SCN1A: variants seen among roughly 807,000 people sequenced by gnomAD.
SCN1A encodes the protein sodium channel protein type 1 subunit alpha.
In SCN1A, 13 loss-of-function variants were observed where a neutral mutation model predicts 193.7. The observed-to-expected ratio is 0.07, with a 90% CI of 0.04 to 0.11. The LOEUF (loss-of-function observed/expected upper bound fraction) is 0.11, where lower values mean the gene tolerates loss of function less well. SCN1A is among the 10% of genes least tolerant of loss of function. SCN1A has a pLI of 1.00. For missense variants in SCN1A, 1,432 were observed against 2,451.1 expected (o/e 0.58, Z 8.78); for synonymous variants, 781 against 843.6 (o/e 0.93, Z 1.29).
chr2:166,055,458 A>G (rs979881018), intron 6 of SCN1A, among the ~76,000 whole-genome samples: 5 of 151,900 alleles, frequency 3.3e-5, no homozygotes, highest in African/African-American at 1.2e-4. Flanking sequence ...ATTTTTTTGT[A>G]TATAAAATTT....
intron 2 of SCN1A, among the ~76,000 whole-genome samples, chr2:166,104,649 G>T (rs534436094): frequency 4.6e-5 from 7 of 152,118 alleles, no homozygotes; most frequent in Non-Finnish European, 5.9e-5. Context: ...AGGCTGAGGT[G>T]GGGGGATTGC....
At chr2:166,053,829 A>G (rs1698852845) in intron 7 of SCN1A, among the ~76,000 whole-genome samples, 1 of 151,846 alleles carries the variant, frequency 6.6e-6, no homozygotes, top group African/African-American at 2.4e-5. Context: ...TCTACACTCT[A>G]CTTTCACTTA....
chr2:166,002,780 A>G, intron 23 of SCN1A, 27 bp from the exon 24 acceptor site: 2 of 1,591,984 alleles, frequency 1.3e-6, no homozygotes, highest in Non-Finnish European at 1.7e-6. Flanking sequence ...AAAAAAGAAA[A>G]GTCAGAATTC....
intron 19 of SCN1A, 98 bp downstream of exon 19, chr2:166,035,946 AAAAT>A (rs1696280966): frequency 2.4e-6 from 3 of 1,263,012 alleles, no homozygotes; most frequent in Admixed American, 4.1e-5. Flanking sequence ...AAAAAAAAAA[AAAAT>A]CTTAAGTCAA....
At chr2:166,104,588 C>G (rs993969323) in intron 2 of SCN1A, among the ~76,000 whole-genome samples, 1 of 151,974 alleles carries the variant, frequency 6.6e-6, no homozygotes, top group Non-Finnish European at 1.5e-5. Flanking sequence ...ACAAAAAATA[C>G]AAAAATTAAC....
chr2:166,120,855 A>T (rs1294544315), intron 2 of SCN1A, among the ~76,000 whole-genome samples: 1 of 151,644 alleles, frequency 6.6e-6, no homozygotes, highest in East Asian at 1.9e-4. Context: ...ACCTCAGGTG[A>T]TCTGCCCACC....
At position 166,043,909 on chromosome 2, in the gene SCN1A, G is replaced by C; in HGVS notation, c.1803C>G (p.Asn601Lys). 4 of 1,614,056 alleles carry C rather than the reference G, an allele frequency of 2.5e-6. No homozygotes were observed. Among genetic ancestry groups the C allele is most frequent in the Non-Finnish European group, 3.4e-6 (4 of 1,180,016 alleles). The change falls in exon 14 of 29, where the codon AAC becomes AAG. Residue 601 changes from asparagine to lysine, a missense_variant. Asn to Lys is a moderately conservative substitution (Grantham distance 94). Transcript: ENST00000674923. ...CAAACAAGGAATCTCTACGGCTCTC[G>C]TTATCCTCAAAGGTGCTGTGCTCAT... Reference protein sequence around the residue: ...ADDEHSTFEDNESRRDSLFVP... With the variant: ...ADDEHSTFEDKESRRDSLFVP...
chr2:166,087,695 T>A (rs1387885339), intron 2 of SCN1A, among the ~76,000 whole-genome samples: 1 of 152,204 alleles, frequency 6.6e-6, no homozygotes, highest in Non-Finnish European at 1.5e-5. Context: ...GATATTCTTT[T>A]ATAGCAATAC....
chr2:166,118,010 A>T (rs1269068443), intron 2 of SCN1A, among the ~76,000 whole-genome samples: 1 of 151,848 alleles, frequency 6.6e-6, no homozygotes, highest in East Asian at 1.9e-4. Context: ...TTCTATATGC[A>T]TTAAAGACTA....
chr2:165,990,937 C>A lies in SCN1A; in HGVS notation c.*308G>T. 2 of 317,452 alleles carry A rather than the reference C, an allele frequency of 6.3e-6. No individual in the cohort carries two copies. Among genetic ancestry groups the A allele is most frequent in the Non-Finnish European group, 1.2e-5 (2 of 171,802 alleles). 19.7% of individuals were successfully genotyped at this position (317,452 alleles called of 1,614,324 possible). ...CTAAAGTGTTTCATGTTAAACAACCCCAAAATCACAGGTTTGCACCCCTTG... is the reference window on the plus strand; with the variant it reads ...CTAAAGTGTTTCATGTTAAACAACCACAAAATCACAGGTTTGCACCCCTTG... On this transcript the variant is annotated 3_prime_UTR_variant, in exon 29 of 29. Transcript: ENST00000674923.
chr2:166,097,839 C>T (rs1687566201), intron 2 of SCN1A, among the ~76,000 whole-genome samples: 1 of 152,130 alleles, frequency 6.6e-6, no homozygotes, highest in African/African-American at 2.4e-5. Flanking sequence ...CCTTGGTCTC[C>T]CAAATTTCTG....
At chr2:165,999,035 A>T (rs2105482082) in intron 25 of SCN1A, 1 of 151,680 alleles carries the variant, frequency 6.6e-6, no homozygotes, top group East Asian at 1.9e-4. Context: ...GGTTGATAGA[A>T]AATACTACAT....
chr2:166,136,105 T>C (rs1691844976), intron 1 of SCN1A, among the ~76,000 whole-genome samples: 1 of 152,234 alleles, frequency 6.6e-6, no homozygotes, highest in Non-Finnish European at 1.5e-5. Context: ...AAAGTCCTTG[T>C]TTCCATGTTG....
Position 165,996,166 on chromosome 2 carries a change from T to C in SCN1A, c.4477-49A>G, listed in dbSNP as rs767882507. 3 of 1,162,620 alleles carry C rather than the reference T, an allele frequency of 2.6e-6. No homozygotes were observed. In the South Asian group the frequency reaches 3.8e-5, roughly 15 times the overall value. The allele number at this position is 1,162,620 out of a possible 1,614,324, so 72.0% of individuals were successfully genotyped here. On this transcript the variant is annotated intron_variant, in intron 26 of 28. Coordinates refer to ENST00000674923, the MANE Select transcript of SCN1A (RefSeq NM_001165963.4). ...GGTTAAAACTGTGTCCTTTTGTACATTTTTTTCAATGTTAAAATAGAAAAT... is the reference window on the plus strand; with the variant it reads ...GGTTAAAACTGTGTCCTTTTGTACACTTTTTTCAATGTTAAAATAGAAAAT...
chr2:166,058,679 C>T lies in SCN1A; in HGVS notation c.274G>A (p.Val92Ile). The T allele has an allele frequency of 6.3e-7, 1 of 1,581,776 alleles. No individual in the cohort carries two copies. The highest frequency in any genetic ancestry group is 8.7e-7 in the Non-Finnish European group (1 of 1,150,874). Residue 92 changes from valine to isoleucine, a missense_variant, in exon 5 of 29, where the codon GTA becomes ATA. Transcript: ENST00000674923. The part of the protein sequence containing the change: ...PYYINKKTFI[V>I]LNKGKAIFRF... ...AAGATGGCCTTCCCTTTATTCAATA[C>T]TATAAAAGTCTGTAAGACAGGAACA...
rs1021225001 is a variant in SCN1A, at chr2:166,109,192, C to T, written c.-142+17732G>A. ...TAACTACTCTTGGTGTTATGTTGGG[C>T]GTTATAATAAAGAAAAATCTTTGTT... On this transcript the variant is annotated intron_variant, in intron 2 of 28. Coordinates refer to ENST00000674923, the MANE Select transcript of SCN1A (RefSeq NM_001165963.4). Among the ~76,000 whole-genome samples the T allele has an allele frequency of 1.3e-4, 19 of 151,936 alleles. No individual in the cohort carries two copies. In the Middle Eastern group the frequency reaches 0.01, roughly 82 times the overall value.
chr2:166,000,354 C>T (rs952811824), intron 24 of SCN1A, among the ~76,000 whole-genome samples: 3 of 151,502 alleles, frequency 2.0e-5, no homozygotes, highest in African/African-American at 7.3e-5. Flanking sequence ...AGAAATAACC[C>T]CCTATTCTAT....
At chr2:166,035,037 C>G (rs1010460096) in intron 19 of SCN1A, among the ~76,000 whole-genome samples, 31 of 152,144 alleles carry the variant, frequency 2.0e-4, no homozygotes, top group African/African-American at 7.5e-4. Flanking sequence ...TCCAAACAGG[C>G]TAATGCATAG....
intron 19 of SCN1A, among the ~76,000 whole-genome samples, chr2:166,024,729 C>T (rs561856025): frequency 2.0e-5 from 3 of 152,132 alleles, no homozygotes; most frequent in Non-Finnish European, 4.4e-5. Flanking sequence ...GTGATGAAGT[C>T]ACAGCTCACT....
Sources: allele counts gnomAD v4.1 joint callset (sites outside exome capture counted in the v4.1 genomes callset), GRCh38; gene constraint gnomAD v4.1.1; transcripts MANE v1.5; gene names NCBI Gene and HGNC (gene_info 2026-07-23, HGNC 2026-07-21).